Variants in PPM1A observed in about 807,000 individuals in gnomAD.
PPM1A encodes protein phosphatase 1A.
In PPM1A, 7 loss-of-function variants were observed where a neutral mutation model predicts 35.0. The ratio of observed to expected loss-of-function variants is 0.20; its 90% confidence interval spans 0.11 to 0.38. The LOEUF is 0.38. Ranked by LOEUF, PPM1A falls within the 10% of genes least tolerant of loss-of-function variation. The probability of loss-of-function intolerance (pLI) is 1.00; values close to 1 mark genes in which losing one functional copy is unlikely to be tolerated. For missense variants in PPM1A, 239 were observed against 467.8 expected (o/e 0.51, Z 4.51); for synonymous variants, 153 against 167.3 (o/e 0.91, Z 0.66).
upstream of PPM1A, chr14:60,248,763 G>A (rs1245263827): frequency 1.3e-5 from 2 of 152,600 alleles, no homozygotes; most frequent in Non-Finnish European, 2.9e-5. Flanking sequence ...TCTGCAGGCA[G>A]GTAGAAGAGC....
chr14:60,274,140 G>A (rs1338002344), intron 1 of PPM1A, among the ~76,000 whole-genome samples: 2 of 152,194 alleles, frequency 1.3e-5, no homozygotes, highest in Admixed American at 6.5e-5. Context: ...CTGCAAAGGA[G>A]ACGACGGAAA....
chr14:60,250,731 T>C (rs973651466), intron 1 of PPM1A, among the ~76,000 whole-genome samples: 1 of 152,230 alleles, frequency 6.6e-6, no homozygotes, highest in Non-Finnish European at 1.5e-5. Context: ...TGTAAAACAG[T>C]CTTTTCAAAC....
At chr14:60,263,683 T>G (rs1172343935) in intron 1 of PPM1A, among the ~76,000 whole-genome samples, 1 of 152,184 alleles carries the variant, frequency 6.6e-6, no homozygotes, top group Non-Finnish European at 1.5e-5. Context: ...CAATTGTTTT[T>G]ATTTCTGAAA....
At chr14:60,290,243 G>A (rs1015102597) in intron 4 of PPM1A, among the ~76,000 whole-genome samples, 4 of 152,072 alleles carry the variant, frequency 2.6e-5, no homozygotes, top group African/African-American at 7.2e-5. Context: ...AAAATTCTAA[G>A]TGTCGTTGTT....
intron 5 of PPM1A, 30 bp downstream of exon 5, chr14:60,291,484 C>A: frequency 6.6e-7 from 1 of 1,515,246 alleles, no homozygotes; most frequent in Non-Finnish European, 9.0e-7. Context: ...CCTCTGCTTT[C>A]CCTTCCCCTC....
At chr14:60,258,489 A>G (rs1324697118) in intron 1 of PPM1A, among the ~76,000 whole-genome samples, 2 of 152,014 alleles carry the variant, frequency 1.3e-5, no homozygotes, top group African/African-American at 4.8e-5. Context: ...CTTATGTGCC[A>G]TTTTTCAATA....
At chr14:60,288,324 C>T (rs997063528) in intron 3 of PPM1A, 1 of 965,656 alleles carries the variant, frequency 1.0e-6, no homozygotes, top group African/African-American at 1.8e-5. Flanking sequence ...ACTATTGATT[C>T]AATTTATCAT....
intron 1 of PPM1A, among the ~76,000 whole-genome samples, chr14:60,279,098 C>T (rs1371363867): frequency 2.6e-5 from 4 of 152,120 alleles, no homozygotes; most frequent in Admixed American, 2.6e-4. Flanking sequence ...ACTTTTATCA[C>T]CTGGGATGCA....
intron 1 of PPM1A, among the ~76,000 whole-genome samples, chr14:60,253,785 T>A (rs1050608560): frequency 1.3e-5 from 2 of 152,186 alleles, no homozygotes; most frequent in Non-Finnish European, 2.9e-5. Flanking sequence ...GTGGTTGATA[T>A]CCTTAATGAA....
Position 60,249,638 on chromosome 14 carries a change from C to T in PPM1A, c.-60C>T, listed in dbSNP as rs1430695412. On this transcript the variant is annotated 5_prime_UTR_variant, in exon 1 of 6. Transcript: ENST00000395076. The surrounding 1 kb of genome is among the most constrained non-coding windows in gnomAD (Gnocchi z 4.5). ...CCTCCCCGGCTGCCGCCGCCGCCGC[C>T]TCGGCCGACCAGGGACCTGCCCGCC... is the stretch of plus-strand genomic sequence containing the variant. 43 of 986,706 alleles carry T rather than the reference C, an allele frequency of 4.4e-5. No individual in the cohort carries two copies. The highest frequency in any genetic ancestry group is 4.9e-5 in the Non-Finnish European group (41 of 831,380). 61.1% of individuals were successfully genotyped at this position (986,706 alleles called of 1,614,324 possible).
At position 60,272,838 on chromosome 14, in the gene PPM1A, T is replaced by C. The variant is rs1351327473; in HGVS notation, c.-20-9846T>C. Among the ~76,000 whole-genome samples, 2 of 152,166 alleles carry C rather than the reference T, an allele frequency of 1.3e-5. 1 individual carries two copies. The highest frequency in any genetic ancestry group is 3.8e-4 in the East Asian group (2 of 5,200). ...TTAGAACTTGGTTTATTCTCTAATA[T>C]CTTTTGGATTCAGTTTTGCAGTTGA... On this transcript the variant is annotated intron_variant, in intron 1 of 5. Transcript: ENST00000395076.
intron 1 of PPM1A, among the ~76,000 whole-genome samples, chr14:60,261,050 C>T (rs1214953880): frequency 6.7e-6 from 1 of 149,626 alleles, no homozygotes; most frequent in East Asian, 2.1e-4. Flanking sequence ...CCGAAAATAC[C>T]ACTTAAGTCT....
chr14:60,263,018 A>G (rs1378454192), intron 1 of PPM1A, among the ~76,000 whole-genome samples: 1 of 152,148 alleles, frequency 6.6e-6, no homozygotes, highest in African/African-American at 2.4e-5. Flanking sequence ...GGAGTTCAAG[A>G]CCAGCCCGGC....
chr14:60,249,206 G>A (rs954833692), upstream of PPM1A: 1 of 986,970 alleles, frequency 1.0e-6, no homozygotes, highest in Non-Finnish European at 1.2e-6. The surrounding 1 kb of genome is among the most constrained non-coding windows in gnomAD (Gnocchi z 4.5). Flanking sequence ...GAGCGCGCCT[G>A]CGCGGGGCCG....
intron 1 of PPM1A, among the ~76,000 whole-genome samples, chr14:60,263,316 A>G (rs1883987286): frequency 6.6e-6 from 1 of 152,120 alleles, no homozygotes; most frequent in African/African-American, 2.4e-5. Flanking sequence ...TTGATGGAGA[A>G]TTTGATTTTC....
chr14:60,298,544 T>G lies in PPM1A; in HGVS notation c.*6062T>G, dbSNP rs1001187381. 3 of 151,786 alleles carry G rather than the reference T, an allele frequency of 2.0e-5. No homozygotes were observed. The highest frequency in any genetic ancestry group is 7.2e-5 in the African/African-American group (3 of 41,414). 9.4% of individuals were successfully genotyped at this position (151,786 alleles called of 1,614,324 possible). ...CTTATTTAATTCCCATTTGTGGGAC[T>G]TCTGGAACATAGAAACCATTATCTT... On this transcript the variant is annotated 3_prime_UTR_variant, in exon 6 of 6. Transcript: ENST00000395076.
chr14:60,291,552 C>A, intron 5 of PPM1A, 98 bp downstream of exon 5: 1 of 870,968 alleles, frequency 1.1e-6, no homozygotes, highest in South Asian at 2.3e-5. Flanking sequence ...TGTACCCATT[C>A]TCTTACACAC....
At chr14:60,256,234 C>T (rs1290322308) in intron 1 of PPM1A, among the ~76,000 whole-genome samples, 2 of 152,122 alleles carry the variant, frequency 1.3e-5, no homozygotes, top group East Asian at 1.9e-4. Context: ...TCCTGGCCAA[C>T]ATGGTGAAAC....
chr14:60,250,572 C>T (rs1882269516), intron 1 of PPM1A: 1 of 307,242 alleles, frequency 3.3e-6, no homozygotes, highest in East Asian at 1.7e-4. Context: ...TGTGCTAGCC[C>T]CACCTCCCCG....
Sources: gnomAD v4.1 joint callset for allele counts (sites outside exome capture counted in the v4.1 genomes callset) on GRCh38, gnomAD v4.1.1 for gene constraint, Gnocchi (gnomAD v3.1) non-coding constraint, MANE v1.5 for transcripts, NCBI Gene and HGNC (gene_info 2026-07-23, HGNC 2026-07-21) for gene names.